Variants in ARHGAP6 observed in about 807,000 individuals in gnomAD.
ARHGAP6 encodes Rho GTPase activating protein 6, also known as rho GTPase-activating protein 6.
ARHGAP6 carries 16 observed loss-of-function variants against 55.7 expected under a neutral mutation model. The ratio of observed to expected loss-of-function variants is 0.29; its 90% CI spans 0.19 to 0.44. The LOEUF is 0.44. Ranked by LOEUF, ARHGAP6 falls within the 20% of genes least tolerant of loss-of-function variation. The probability of loss-of-function intolerance (pLI) is 1.00; values close to 1 mark genes in which losing one functional copy is unlikely to be tolerated. For synonymous variants in ARHGAP6, 382 were observed against 360.9 expected, an observed-to-expected ratio of 1.06 and a Z score of -0.66; for missense variants, 698 against 808.9, an observed-to-expected ratio of 0.86 and a Z score of 1.66.
Position 11,618,948 on chromosome X carries a change from C to T in ARHGAP6, c.588+45293G>A, listed in dbSNP as rs144024597. Among the ~76,000 whole-genome samples the T allele has an allele frequency of 6.1e-3, 676 of 110,912 alleles. 3 individuals carry two copies. Among genetic ancestry groups the T allele is most frequent in the African/African-American group, 0.021 (647 of 30,615 alleles). ...GATTTTTTTTTTAATGCAGACAATC[C>T]CCATTCACAATCCTCTGTTTGAGTG... On this transcript the variant is annotated intron_variant, in intron 1 of 12. Transcript: ENST00000337414.
intron 1 of ARHGAP6, among the ~76,000 whole-genome samples, chrX:11,489,279 T>C (rs1357047576): frequency 9.0e-6 from 1 of 111,482 alleles, no homozygotes; most frequent in Non-Finnish European, 1.9e-5. Context: ...TGAGGCCCAA[T>C]TAGGAGATGG....
At chrX:11,255,308 A>C (rs1385604917) in intron 1 of ARHGAP6, among the ~76,000 whole-genome samples, 1 of 111,036 alleles carries the variant, frequency 9.0e-6, no homozygotes, top group Non-Finnish European at 1.9e-5. Context: ...ATCATATATT[A>C]CTGTTAACCA....
At position 11,155,188 on chromosome X, in the gene ARHGAP6, T is replaced by C. The variant is rs2045846431; in HGVS notation, c.1907+1341A>G. Among the ~76,000 whole-genome samples, 4 of 112,677 alleles carry C rather than the reference T, an allele frequency of 3.5e-5. No homozygotes were observed. The South Asian group carries it at 1.5e-3, about 41-fold the overall frequency. On this transcript the variant is annotated intron_variant, in intron 10 of 12. Coordinates refer to ENST00000337414, the MANE Select transcript of ARHGAP6 (RefSeq NM_013427.3). Reference sequence around the variant, plus strand: ...ACTTTTTAAGTATCTGCAATAATCATGAGTGAAAATTAATTTATCAAGTTC... The same window carrying C: ...ACTTTTTAAGTATCTGCAATAATCACGAGTGAAAATTAATTTATCAAGTTC...
At chrX:11,647,553 G>C in intron 1 of ARHGAP6, among the ~76,000 whole-genome samples, 1 of 111,918 alleles carries the variant, frequency 8.9e-6, no homozygotes. Context: ...CAGCTGAAGG[G>C]CCAATGAAGT....
At chrX:11,320,458 C>T (rs2048417751) in intron 1 of ARHGAP6, among the ~76,000 whole-genome samples, 1 of 111,322 alleles carries the variant, frequency 9.0e-6, no homozygotes, top group Non-Finnish European at 1.9e-5. Flanking sequence ...GCATTCAGAT[C>T]TTGAGAAACA....
At chrX:11,247,553 A>G (rs2047369949) in intron 2 of ARHGAP6, among the ~76,000 whole-genome samples, 1 of 112,339 alleles carries the variant, frequency 8.9e-6, no homozygotes, top group Admixed American at 9.4e-5. Context: ...ACATTGAGTG[A>G]AAACAGGCAT....
At chrX:11,563,804 C>T (rs899822332) in intron 1 of ARHGAP6, among the ~76,000 whole-genome samples, 1 of 110,640 alleles carries the variant, frequency 9.0e-6, no homozygotes, top group Non-Finnish European at 1.9e-5. Flanking sequence ...TTCTTAGTTT[C>T]GCCTGCAATG....
intron 1 of ARHGAP6, among the ~76,000 whole-genome samples, chrX:11,574,469 A>G (rs2051571571): frequency 9.2e-6 from 1 of 108,930 alleles, no homozygotes; most frequent in African/African-American, 3.4e-5. Context: ...AACCAAAGAC[A>G]AAAACCACAT....
chrX:11,544,358 C>T (rs1254650405), intron 1 of ARHGAP6, among the ~76,000 whole-genome samples: 2 of 112,290 alleles, frequency 1.8e-5, no homozygotes, highest in Non-Finnish European at 3.8e-5. Flanking sequence ...TTCCACAGGC[C>T]AGACTTTAGC....
chrX:11,265,847 C>T, intron 1 of ARHGAP6: 1 of 950,589 alleles, frequency 1.1e-6, no homozygotes, highest in Non-Finnish European at 1.3e-6. Context: ...GCCCAGCTGG[C>T]ATAGCTGTGA....
intron 1 of ARHGAP6, among the ~76,000 whole-genome samples, chrX:11,378,502 G>A (rs5935046): frequency 1.2e-4 from 13 of 111,479 alleles, no homozygotes; most frequent in African/African-American, 2.0e-4. Context: ...TTCCATTCCC[G>A]AAGACCATCC....
chrX:11,450,950 G>A (rs1269526122), intron 1 of ARHGAP6, among the ~76,000 whole-genome samples: 1 of 111,626 alleles, frequency 9.0e-6, no homozygotes, highest in Non-Finnish European at 1.9e-5. Flanking sequence ...CTGGTCCAAA[G>A]GATGGCATCT....
intron 1 of ARHGAP6, among the ~76,000 whole-genome samples, chrX:11,649,728 C>A (rs1188363756): frequency 9.0e-6 from 1 of 111,400 alleles, no homozygotes; most frequent in Non-Finnish European, 1.9e-5. Flanking sequence ...CACATTGCTC[C>A]AATTATATAT....
chrX:11,590,873 A>AAGAAG (rs1569411008), intron 1 of ARHGAP6, among the ~76,000 whole-genome samples: 14 of 52,625 alleles, frequency 2.7e-4, no homozygotes, highest in South Asian at 7.9e-4. Flanking sequence ...AAAGAAGGAA[A>AAGAAG]GAAAGAAAGA....
intron 1 of ARHGAP6, among the ~76,000 whole-genome samples, chrX:11,357,671 A>T (rs745488364): frequency 9.0e-6 from 1 of 111,404 alleles, no homozygotes; most frequent in East Asian, 2.8e-4. Flanking sequence ...AGCTGCAAAG[A>T]TTCTGCCTTT....
chrX:11,139,426 C>A lies in ARHGAP6; in HGVS notation c.2362G>T (p.Ala788Ser). The change falls in exon 13 of 13, where the codon GCA (alanine) becomes TCA (serine). Residue 788 changes from alanine (A) to serine (S), a missense_variant. This residue lies in a region of ARHGAP6 where 212 missense variants were observed against 208.7 expected (regional missense o/e 1.02). Transcript: ENST00000337414. The stretch of plus-strand genomic sequence containing the variant: ...CCCTGCGTGTCGCTGTCCAGCTCTG[C>A]GGGGCTCCCCTGCCACCGAGGCCAA... ...PNWPRWQGSP[A>S]ELDSDTQGAR... 2 of 1,186,974 alleles carry A rather than the reference C, an allele frequency of 1.7e-6. No homozygotes were observed. Among genetic ancestry groups the A allele is most frequent in the Non-Finnish European group, 2.3e-6 (2 of 885,469 alleles).
intron 2 of ARHGAP6, among the ~76,000 whole-genome samples, chrX:11,224,013 G>T (rs1389004590): frequency 8.9e-6 from 1 of 111,941 alleles, no homozygotes; most frequent in Non-Finnish European, 1.9e-5. Flanking sequence ...TTACTCCCTT[G>T]CTACTTTATA....
intron 1 of ARHGAP6, among the ~76,000 whole-genome samples, chrX:11,300,069 A>T (rs2048150553): frequency 8.9e-6 from 1 of 112,118 alleles, no homozygotes. Flanking sequence ...AATCCCAAGT[A>T]ATCGGTGCCT....
At chrX:11,659,415 A>G (rs1028919695) in intron 1 of ARHGAP6, among the ~76,000 whole-genome samples, 5 of 109,333 alleles carry the variant, frequency 4.6e-5, no homozygotes, top group Non-Finnish European at 5.7e-5. Context: ...CCAGATGATT[A>G]TTCCTTGTGG....
Sources: allele counts gnomAD v4.1 joint callset (sites outside exome capture counted in the v4.1 genomes callset), GRCh38; gene constraint gnomAD v4.1.1; regional missense constraint gnomAD v4.1.1; transcripts MANE v1.5; gene names NCBI Gene and HGNC (gene_info 2026-07-23, HGNC 2026-07-21).